Variants in ZFHX3 observed in about 807,000 individuals in gnomAD.
ZFHX3 encodes the protein zinc finger homeobox 3.
Under a neutral mutation model 279.1 loss-of-function variants are expected in ZFHX3, and 42 were observed. The observed-to-expected ratio is 0.15, with a 90% CI of 0.12 to 0.19. The LOEUF (loss-of-function observed/expected upper bound fraction) is 0.19. ZFHX3 is among the 10% of genes least tolerant of loss of function. The pLI is 1.00. For synonymous variants in ZFHX3, 2,293 were observed against 1,957.8 expected, an observed-to-expected ratio of 1.17 and a Z score of -4.52; for missense variants, 4,981 against 4,754.0, an observed-to-expected ratio of 1.05 and a Z score of -1.40.
intron 1 of ZFHX3, among the ~76,000 whole-genome samples, chr16:73,034,578 C>A (rs557807302): frequency 2.0e-5 from 3 of 152,368 alleles, no homozygotes; most frequent in African/African-American, 7.2e-5. Flanking sequence ...TAGCAACCCA[C>A]CACGGAGAGG....
intron 5 of ZFHX3, among the ~76,000 whole-genome samples, chr16:73,197,940 T>TTTG (rs1968188153): frequency 7.4e-6 from 1 of 134,474 alleles, no homozygotes; most frequent in Non-Finnish European, 1.6e-5. Flanking sequence ...TTTTTTTTTT[T>TTTG]TTTTTTTTTT....
rs560405535 is a variant in ZFHX3, at chr16:72,914,809, G to A, written c.3217-24847C>T. Among the ~76,000 whole-genome samples the A allele has an allele frequency of 2.4e-4, 37 of 152,188 alleles. No individual in the cohort carries two copies. In the South Asian group the frequency reaches 5.0e-3, roughly 20 times the overall value. On this transcript the variant is annotated intron_variant, in intron 3 of 9. Transcript: ENST00000268489. ...ACTTTGAGACAAGCTTGGCCAATAC[G>A]GTGAAACCCTGTCTCTACTAAAAAT...
chr16:73,577,953 C>T (rs966441374), intron 2 of ZFHX3, among the ~76,000 whole-genome samples: 2 of 152,186 alleles, frequency 1.3e-5, no homozygotes, highest in Admixed American at 6.5e-5. Context: ...CAGCAACATG[C>T]AGACTCTAAA....
intron 1 of ZFHX3, among the ~76,000 whole-genome samples, chr16:73,029,514 CAAG>C (rs1269290073): frequency 1.3e-5 from 2 of 152,158 alleles, no homozygotes; most frequent in African/African-American, 4.8e-5. Flanking sequence ...TAGAAACACA[CAAG>C]AAGTGTGTGT....
intron 4 of ZFHX3, among the ~76,000 whole-genome samples, chr16:72,873,619 C>T (rs1004685396): frequency 3.3e-5 from 5 of 152,138 alleles, no homozygotes; most frequent in African/African-American, 9.7e-5. Flanking sequence ...GTTTTCTGCT[C>T]CTTACACTTC....
intron 2 of ZFHX3, among the ~76,000 whole-genome samples, chr16:73,671,440 C>A (rs953195071): frequency 2.0e-5 from 3 of 152,196 alleles, no homozygotes; most frequent in Non-Finnish European, 4.4e-5. Context: ...ATCACCACCT[C>A]AGCCAGAGAG....
chr16:73,443,061 A>G (rs901975051), intron 3 of ZFHX3, among the ~76,000 whole-genome samples: 2 of 152,202 alleles, frequency 1.3e-5, no homozygotes, highest in East Asian at 3.8e-4. Context: ...TAAAGATCCT[A>G]TCTCTGAATC....
chr16:73,229,530 A>G (rs1313596785), intron 5 of ZFHX3, among the ~76,000 whole-genome samples: 2 of 152,202 alleles, frequency 1.3e-5, no homozygotes, highest in African/African-American at 2.4e-5. Flanking sequence ...AGTAATCTCA[A>G]TTAAGGTCTG....
At chr16:73,432,400 T>C (rs2017925289) in intron 3 of ZFHX3, among the ~76,000 whole-genome samples, 1 of 152,108 alleles carries the variant, frequency 6.6e-6, no homozygotes, top group South Asian at 2.1e-4. Flanking sequence ...AGCAGATCAA[T>C]TGGAGTGAGA....
chr16:72,811,910 C>T lies in ZFHX3; in HGVS notation c.3658G>A (p.Glu1220Lys). Residue 1220 changes from glutamate (E) to lysine (K), a missense_variant, in exon 6 of 10, where the codon GAG (glutamate) becomes AAG (lysine). Coordinates refer to ENST00000268489, the MANE Select transcript of ZFHX3 (RefSeq NM_006885.4). ...RPKTAEEIKP[E>K]QMYQCPYCKY... ...AGAGTCCCTTCCAGCCTCACCTGCT[C>T]CGGTTTGATCTCCTCAGCTGTTTTT... 1.9e-6 allele frequency: 3 copies of T among 1,613,832 alleles called. No individual in the cohort carries two copies. Among genetic ancestry groups the T allele is most frequent in the Non-Finnish European group, 2.5e-6 (3 of 1,179,922 alleles).
intron 7 of ZFHX3, chr16:73,127,645 G>C: frequency 3.2e-6 from 4 of 1,239,686 alleles, no homozygotes; most frequent in Middle Eastern, 5.0e-4. Flanking sequence ...GGATGTTATG[G>C]AACAGTTGCT....
chr16:73,071,666 A>G (rs1965828832), intron 8 of ZFHX3, among the ~76,000 whole-genome samples: 1 of 152,218 alleles, frequency 6.6e-6, no homozygotes, highest in Admixed American at 6.5e-5. Flanking sequence ...ACCAGCAGGC[A>G]GGGCTCTGGG....
intron 3 of ZFHX3, among the ~76,000 whole-genome samples, chr16:73,451,524 G>C (rs1260829585): frequency 6.6e-6 from 1 of 152,160 alleles, no homozygotes; most frequent in Non-Finnish European, 1.5e-5. Flanking sequence ...CTAATTACCA[G>C]ATGAATATAT....
rs556152786 is a variant in ZFHX3, at chr16:73,555,437, A to G, written c.-1546-99179T>C. The stretch of plus-strand genomic sequence containing the variant: ...CCAAAGTGCTGGGATTACAGGCGTG[A>G]GCCACCGCGCCCGGCCGCCATGTTT... On this transcript the variant is annotated intron_variant, in intron 2 of 17. Coordinates refer to the ZFHX3 transcript ENST00000641206. Among the ~76,000 whole-genome samples, 3 of 148,502 alleles carry G rather than the reference A, an allele frequency of 2.0e-5. No individual in the cohort carries two copies. The South Asian group carries it at 7.0e-4, about 34-fold the overall frequency.
chr16:73,456,427 A>G (rs2018372686), intron 2 of ZFHX3, among the ~76,000 whole-genome samples: 1 of 151,952 alleles, frequency 6.6e-6, no homozygotes, highest in Non-Finnish European at 1.5e-5. Context: ...CTTCCACACT[A>G]CCCAAAGCAA....
In ZFHX3 at chr16:73,399,837, G is replaced by GGTGTGTGT. The variant is rs4011546; in HGVS notation, c.-1291+56158_-1291+56165dup. Among the ~76,000 whole-genome samples the GGTGTGTGT allele has an allele frequency of 9.8e-3, 1,455 of 148,258 alleles. 11 individuals are homozygous for GGTGTGTGT. Among genetic ancestry groups the GGTGTGTGT allele is most frequent in the South Asian group, 0.018 (83 of 4,628 alleles). On this transcript the variant is annotated intron_variant, in intron 3 of 17. Coordinates refer to the ZFHX3 transcript ENST00000641206. ...GTGTGGTGTGTGGAGTGTGGTGTGT[G>GGTGTGTGT]GTGTGTGTGTGTGTGTGTGTGTGTG...
chr16:73,067,464 G>C (rs1431151275), intron 8 of ZFHX3, among the ~76,000 whole-genome samples: 1 of 152,136 alleles, frequency 6.6e-6, no homozygotes, highest in African/African-American at 2.4e-5. Flanking sequence ...GGAGCCCCTG[G>C]GTGCTGGCTT....
intron 4 of ZFHX3, among the ~76,000 whole-genome samples, chr16:73,289,772 G>C (rs949703041): frequency 1.3e-5 from 2 of 152,222 alleles, no homozygotes; most frequent in South Asian, 4.2e-4. Context: ...GGGAGCAGGA[G>C]ACCCTACCAG....
chr16:73,786,911 A>G (rs1211872774), intron 1 of ZFHX3, among the ~76,000 whole-genome samples: 3 of 152,164 alleles, frequency 2.0e-5, no homozygotes, highest in Non-Finnish European at 4.4e-5. Flanking sequence ...TTCATGTTCC[A>G]GCACCTCAGA....
Sources: gnomAD v4.1 joint callset for allele counts (sites outside exome capture counted in the v4.1 genomes callset) on GRCh38, gnomAD v4.1.1 for gene constraint, MANE v1.5 for transcripts, NCBI Gene and HGNC (gene_info 2026-07-23, HGNC 2026-07-21) for gene names.